TAF15: variants seen among roughly 807,000 people sequenced by gnomAD.
The protein encoded by TAF15 is TATA-binding protein-associated factor 2N.
In TAF15, 37 loss-of-function variants were observed where a neutral mutation model predicts 102.5. That is an observed-to-expected ratio of 0.36 (90% CI 0.28 to 0.47). The LOEUF (loss-of-function observed/expected upper bound fraction) is 0.47. Among genes scored for constraint, TAF15 ranks in the 20% least tolerant of loss-of-function variants. The probability of loss-of-function intolerance (pLI) is 0.99; values close to 1 mark genes in which losing one functional copy is unlikely to be tolerated. For missense variants in TAF15, 652 were observed against 760.7 expected (o/e 0.86, Z 1.68); for synonymous variants, 273 against 259.2 (o/e 1.05, Z -0.51).
At chr17:35,823,981 A>T in intron 6 of TAF15, 97 bp from the exon 7 acceptor site, 1 of 1,489,506 alleles carries the variant, frequency 6.7e-7, no homozygotes, top group Non-Finnish European at 9.3e-7. Flanking sequence ...GCCATTTTCT[A>T]TAAGGATATG....
intron 10 of TAF15, among the ~76,000 whole-genome samples, chr17:35,838,067 C>T (rs1270876142): frequency 6.6e-6 from 1 of 152,044 alleles, no homozygotes; most frequent in Non-Finnish European, 1.5e-5. Context: ...CTTGTAGTCC[C>T]AGCTACTCGG....
At position 35,844,614 on chromosome 17, in the gene TAF15, G is replaced by A. The variant is rs1287490076; in HGVS notation, c.1315G>A (p.Gly439Arg). 27 of 1,597,420 alleles carry A rather than the reference G, an allele frequency of 1.7e-5. No individual in the cohort carries two copies. The highest frequency in any genetic ancestry group is 2.3e-5 in the South Asian group (2 of 88,728). Reference sequence around the variant, plus strand: ...CAGAAGCAGCGGTGGTGGCTACAGCGGAGATAGAAGTGGGGGCGGCTATGG... The same window carrying A: ...CAGAAGCAGCGGTGGTGGCTACAGCAGAGATAGAAGTGGGGGCGGCTATGG... ...GDRSSGGGYS[G>R]DRSGGGYGGD... Residue 439 changes from glycine to arginine, a missense_variant, in exon 15 of 16, where the codon GGA (glycine) becomes AGA (arginine). Gly to Arg is a moderately radical substitution (Grantham distance 125). Transcript: ENST00000605844.
intron 1 of TAF15, among the ~76,000 whole-genome samples, chr17:35,812,045 T>C (rs1336472975): frequency 2.6e-5 from 4 of 152,180 alleles, no homozygotes; most frequent in African/African-American, 9.7e-5. Context: ...CTCAAGTAAC[T>C]GTGTAGGGAC....
rs1568283137 is a variant in TAF15, at chr17:35,844,643, A to AGACAGAAGTGGGGGCGGCTATGGTGGG, written c.1358_1359insCGGCTATGGTGGGGACAGAAGTGGGGG (p.Ser451_Arg459dup). The AGACAGAAGTGGGGGCGGCTATGGTGGG allele has an allele frequency of 6.3e-7, 1 of 1,586,720 alleles. No individual in the cohort carries two copies. Reference sequence around the variant, plus strand: ...ATAGAAGTGGGGGCGGCTATGGTGGAGACAGAAGTGGGGGTGGCTATGGTG... The same window carrying AGACAGAAGTGGGGGCGGCTATGGTGGG: ...ATAGAAGTGGGGGCGGCTATGGTGGAGACAGAAGTGGGGGCGGCTATGGTGGGGACAGAAGTGGGGGTGGCTATGGTG... On this transcript the variant is annotated inframe_insertion, in exon 15 of 16. Coordinates refer to ENST00000605844, the MANE Select transcript of TAF15 (RefSeq NM_139215.3).
At chr17:35,828,146 G>C (rs1212946629) in intron 7 of TAF15, among the ~76,000 whole-genome samples, 2 of 152,294 alleles carry the variant, frequency 1.3e-5, no homozygotes, top group South Asian at 4.1e-4. Flanking sequence ...CTAAAATCCA[G>C]ATTTTTGAGG....
intron 10 of TAF15, among the ~76,000 whole-genome samples, chr17:35,837,326 T>A (rs894565724): frequency 1.2e-4 from 17 of 138,268 alleles, no homozygotes; most frequent in Admixed American, 5.6e-4. Context: ...TAGTTAAAAA[T>A]TTTTTTTTTT....
chr17:35,812,671 G>A (rs935539849), intron 1 of TAF15, among the ~76,000 whole-genome samples: 2 of 150,566 alleles, frequency 1.3e-5, no homozygotes, highest in African/African-American at 4.9e-5. Flanking sequence ...GATAAAGCAA[G>A]CCTTGCAAAA....
chr17:35,823,770 T>C, intron 6 of TAF15: 3 of 377,370 alleles, frequency 7.9e-6, no homozygotes, highest in South Asian at 2.8e-5. Flanking sequence ...AAGGTTCTTG[T>C]AGCTAAGATT....
chr17:35,846,384 G>A (rs536594997), intron 15 of TAF15, among the ~76,000 whole-genome samples: 2 of 152,196 alleles, frequency 1.3e-5, no homozygotes, highest in Non-Finnish European at 2.9e-5. Context: ...GTAATTATGA[G>A]TAACCTAATT....
At position 35,836,202 on chromosome 17, in the gene TAF15, T is replaced by C. The variant is rs773069834; in HGVS notation, c.744T>C (p.Asp248=). The C allele has an allele frequency of 6.2e-7, 1 of 1,613,464 alleles. No homozygotes were observed. Among genetic ancestry groups the C allele is most frequent in the Non-Finnish European group, 8.5e-7 (1 of 1,179,562 alleles). The change falls in exon 10 of 16, where the codon GAT becomes GAC. Residue 248 remains aspartate, a synonymous_variant. Coordinates refer to ENST00000605844, the MANE Select transcript of TAF15 (RefSeq NM_139215.3). ...VQGLGEGVST[D]QVGEFFKQIG... Reference sequence around the variant, plus strand: ...GACTTGGGGAGGGTGTGTCTACAGATCAAGTTGGGGAGTTCTTTAAACAAA... The same window carrying C: ...GACTTGGGGAGGGTGTGTCTACAGACCAAGTTGGGGAGTTCTTTAAACAAA...
At position 35,834,740 on chromosome 17, in the gene TAF15, C is replaced by CTTTTTTTT. The variant is rs533058888; in HGVS notation, c.673+157_673+164dup. On this transcript the variant is annotated intron_variant, in intron 9 of 15. Coordinates refer to ENST00000605844, the MANE Select transcript of TAF15 (RefSeq NM_139215.3). Reference sequence around the variant, plus strand: ...CTGCCAGAACTGGGGAGCTTTATTTCTTTTTTTTTTTTTTTTTTTTTTGAG... The same window carrying CTTTTTTTT: ...CTGCCAGAACTGGGGAGCTTTATTTCTTTTTTTTTTTTTTTTTTTTTTTTTTTTTTGAG... The CTTTTTTTT allele has an allele frequency of 5.6e-3, 1,315 of 236,144 alleles. 141 individuals are homozygous for CTTTTTTTT. Among genetic ancestry groups the CTTTTTTTT allele is most frequent in the African/African-American group, 0.046 (892 of 19,320 alleles). 14.6% of individuals were successfully genotyped at this position (236,144 alleles called of 1,614,324 possible). A position where few individuals can be genotyped will look rare whatever the true frequency, so the allele number is the denominator to read the frequency against.
At position 35,844,550 on chromosome 17, in the gene TAF15, C is replaced by T. The variant is rs765897988; in HGVS notation, c.1251C>T (p.Gly417=). Reference sequence around the variant, plus strand: ...GGGGCAGAGGTGGAGACCGAGGCGGCTATGGTGGAGACAGAAGTGGGGGTG... The same window carrying T: ...GGGGCAGAGGTGGAGACCGAGGCGGTTATGGTGGAGACAGAAGTGGGGGTG... ...GRGGRGGDRG[G]YGGDRSGGGY... is the part of the protein sequence containing the mutation. Residue 417 remains glycine (G), a synonymous_variant, in exon 15 of 16, where the codon GGC becomes GGT. Transcript: ENST00000605844. 1.9e-6 allele frequency: 3 copies of T among 1,596,676 alleles called. No individual in the cohort carries two copies. The highest frequency in any genetic ancestry group is 3.4e-5 in the Admixed American group (2 of 58,234).
chr17:35,814,338 T>C (rs1006617061), intron 1 of TAF15, among the ~76,000 whole-genome samples: 4 of 151,942 alleles, frequency 2.6e-5, no homozygotes, highest in African/African-American at 4.8e-5. Context: ...CCGGCTAATT[T>C]TCTGTATTTT....
At chr17:35,822,581 C>T in intron 5 of TAF15, 59 bp from the exon 6 acceptor site, 1 of 1,543,540 alleles carries the variant, frequency 6.5e-7, no homozygotes, top group Non-Finnish European at 8.8e-7. Context: ...TTTCAGCCAA[C>T]TTGCTACAGC....
intron 7 of TAF15, among the ~76,000 whole-genome samples, chr17:35,832,682 A>G (rs1016828342): frequency 2.0e-5 from 3 of 152,186 alleles, no homozygotes; most frequent in Admixed American, 1.3e-4. Context: ...GGTATCAGAA[A>G]ACTTGAGTGT....
In TAF15 at chr17:35,838,656, T is replaced by C. The variant is rs1208986727; in HGVS notation, c.913+103T>C. 5 of 1,550,396 alleles carry C rather than the reference T, an allele frequency of 3.2e-6. No individual in the cohort carries two copies. The Admixed American group carries it at 8.8e-5, about 27-fold the overall frequency. On this transcript the variant is annotated intron_variant, in intron 11 of 15. Transcript: ENST00000605844. ...TGACAGTGATTATATTCATGTTTAC[T>C]TTTGCAGATATTAAGAATACAGGTC...
intron 9 of TAF15, among the ~76,000 whole-genome samples, chr17:35,835,643 G>A (rs2087464793): frequency 6.6e-6 from 1 of 152,168 alleles, no homozygotes. Context: ...AGGTGCCTCC[G>A]CACTCTGGTA....
At chr17:35,835,899 TCA>T (rs2087468599) in intron 9 of TAF15, among the ~76,000 whole-genome samples, 1 of 152,242 alleles carries the variant, frequency 6.6e-6, no homozygotes, top group African/African-American at 2.4e-5. Flanking sequence ...TATAGGTATT[TCA>T]CATAGTGTGG....
At chr17:35,825,687 G>T (rs111910339) in intron 7 of TAF15, among the ~76,000 whole-genome samples, 13,814 of 152,176 alleles carry the variant, frequency 0.091, 947 homozygotes, top group African/African-American at 0.19. Flanking sequence ...GGTGACCCAT[G>T]CCTGTAATCC....
Sources: gnomAD v4.1 joint callset for allele counts (sites outside exome capture counted in the v4.1 genomes callset) on GRCh38, gnomAD v4.1.1 for gene constraint, MANE v1.5 for transcripts, NCBI Gene and HGNC (gene_info 2026-07-23, HGNC 2026-07-21) for gene names.